Variants in SCN8A observed in about 807,000 individuals in gnomAD.
SCN8A encodes the protein sodium voltage-gated channel alpha subunit 8.
In SCN8A, 30 loss-of-function variants were observed where a neutral mutation model predicts 184.1. The observed-to-expected ratio is 0.16, with a 90% CI of 0.12 to 0.22. The LOEUF (loss-of-function observed/expected upper bound fraction) is 0.22. SCN8A is among the 10% of genes least tolerant of loss of function. The probability of loss-of-function intolerance (pLI) is 1.00; values close to 1 mark genes in which losing one functional copy is unlikely to be tolerated. For synonymous variants in SCN8A, 852 were observed against 907.0 expected (o/e 0.94, Z 1.09); for missense variants, 1,057 against 2,498.9 (o/e 0.42, Z 12.30).
intron 1 of SCN8A, among the ~76,000 whole-genome samples, chr12:51,634,725 T>C (rs1227573300): frequency 7.3e-5 from 11 of 150,716 alleles, no homozygotes; most frequent in African/African-American, 2.7e-4. Flanking sequence ...CGTAGCTCAC[T>C]GCAACCTCCT....
chr12:51,660,749 A>G (rs138036759), intron 1 of SCN8A, among the ~76,000 whole-genome samples: 157 of 152,276 alleles, frequency 1.0e-3, no homozygotes, highest in African/African-American at 3.5e-3. Flanking sequence ...ACGAGTTAAT[A>G]CCAGCAAGGT....
chr12:51,720,583 A>G (rs1462479550), intron 11 of SCN8A, among the ~76,000 whole-genome samples: 1 of 152,112 alleles, frequency 6.6e-6, no homozygotes. Context: ...ATGCACATGT[A>G]CCCTAGAACT....
chr12:51,793,723 A>C (rs1246726527), intron 25 of SCN8A, among the ~76,000 whole-genome samples: 1 of 152,178 alleles, frequency 6.6e-6, no homozygotes, highest in Non-Finnish European at 1.5e-5. Context: ...CTGTAGGCCC[A>C]GCTTATTGGG....
At position 51,769,274 on chromosome 12, in the gene SCN8A, A is replaced by G; in HGVS notation, c.3311A>G (p.Asp1104Gly). ...VRVPIAVGES[D>G]FENLNTEDVS... is the part of the protein sequence containing the mutation. ...GTACCCATTGCTGTGGGCGAGTCTG[A>G]CTTTGAGAACCTCAACACAGAGGAT... The change falls in exon 17 of 27, where the codon GAC becomes GGC. Residue 1104 changes from aspartate (D) to glycine (G), a missense_variant. By Grantham distance (94) the Asp-to-Gly change is moderately conservative. Coordinates refer to ENST00000627620, the MANE Select transcript of SCN8A (RefSeq NM_001330260.2). 1 of 1,610,604 alleles carries G rather than the reference A, an allele frequency of 6.2e-7. No homozygotes were observed. The highest frequency in any genetic ancestry group is 8.5e-7 in the Non-Finnish European group (1 of 1,177,102).
intron 13 of SCN8A, among the ~76,000 whole-genome samples, chr12:51,748,479 G>A (rs1942547767): frequency 6.6e-6 from 1 of 152,154 alleles, no homozygotes; most frequent in African/African-American, 2.4e-5. Context: ...TATTTCAGAG[G>A]ACTGGGCGTG....
At chr12:51,722,113 T>C in intron 12 of SCN8A, 2 of 749,500 alleles carry the variant, frequency 2.7e-6, no homozygotes, top group Non-Finnish European at 4.3e-6. Flanking sequence ...TCTTCAGTTT[T>C]CCCCCTATTA....
chr12:51,777,888 G>T (rs1937758590), intron 20 of SCN8A, among the ~76,000 whole-genome samples: 1 of 152,238 alleles, frequency 6.6e-6, no homozygotes, highest in Non-Finnish European at 1.5e-5. Context: ...CCAGGTACTT[G>T]GTTGAGAAAG....
rs1718810651 is a variant in SCN8A at position 51,810,264 on chromosome 12, AT to A, written c.*2836del. On this transcript the variant is annotated 3_prime_UTR_variant, in exon 27 of 27. Transcript: ENST00000627620. ...TGAAGTTTCACTTTTTAAAAAAAAA[AT>A]GTTTCCCACCTTTTTATCCTTCACC... The A allele has an allele frequency of 4.2e-6, 1 of 239,518 alleles. No individual in the cohort carries two copies. The highest frequency in any genetic ancestry group is 3.6e-5 in the South Asian group (1 of 27,686). The allele number at this position is 239,518 out of a possible 1,614,324, so 14.8% of individuals were successfully genotyped here. A position where few individuals can be genotyped will look rare whatever the true frequency, so the allele number is the denominator to read the frequency against.
intron 1 of SCN8A, among the ~76,000 whole-genome samples, chr12:51,660,923 GA>G (rs1940913220): frequency 6.6e-6 from 1 of 152,134 alleles, no homozygotes; most frequent in South Asian, 2.1e-4. Context: ...ATGGGTAGGA[GA>G]AGAATGAAGG....
intron 6 of SCN8A, among the ~76,000 whole-genome samples, chr12:51,697,915 C>G (rs1331978035): frequency 6.6e-6 from 1 of 152,198 alleles, no homozygotes; most frequent in East Asian, 1.9e-4. Context: ...GTGGCGCAAT[C>G]TTGGCTCACT....
intron 19 of SCN8A, 100 bp downstream of exon 19, chr12:51,770,783 A>G: frequency 8.0e-7 from 1 of 1,257,396 alleles, no homozygotes; most frequent in Non-Finnish European, 1.1e-6. Context: ...CTCTGAAAAC[A>G]GATTGGCTGT....
At chr12:51,789,243 G>T (rs767543424) in intron 23 of SCN8A, 38 bp from the exon 24 acceptor site, 1 of 1,611,264 alleles carries the variant, frequency 6.2e-7, no homozygotes, top group African/African-American at 1.3e-5. Flanking sequence ...CTCCAAACTA[G>T]GAGCTGATTC....
At chr12:51,721,026 C>A (rs1255063841) in intron 11 of SCN8A, among the ~76,000 whole-genome samples, 23 of 143,696 alleles carry the variant, frequency 1.6e-4, no homozygotes, top group Non-Finnish European at 3.2e-4. Flanking sequence ...AAGATAGCGC[C>A]ACCACACTCC....
intron 2 of SCN8A, among the ~76,000 whole-genome samples, chr12:51,678,006 T>C (rs1021722483): frequency 6.6e-6 from 1 of 152,236 alleles, no homozygotes; most frequent in Admixed American, 6.5e-5. Flanking sequence ...TCCTTTCCAC[T>C]ATATCTAGGC....
intron 1 of SCN8A, among the ~76,000 whole-genome samples, chr12:51,621,056 T>C (rs1193684382): frequency 6.6e-6 from 1 of 152,084 alleles, no homozygotes; most frequent in African/African-American, 2.4e-5. Context: ...ATATGATGGT[T>C]CTTATAATGG....
intron 13 of SCN8A, among the ~76,000 whole-genome samples, chr12:51,748,841 A>T (rs1942553704): frequency 6.6e-6 from 1 of 152,152 alleles, no homozygotes; most frequent in African/African-American, 2.4e-5. Flanking sequence ...AGCACATTGC[A>T]GATGCTTAAA....
chr12:51,594,692 A>G (rs2138544978), intron 1 of SCN8A, among the ~76,000 whole-genome samples: 1 of 152,316 alleles, frequency 6.6e-6, no homozygotes, highest in East Asian at 1.9e-4. Context: ...TAATATATGT[A>G]AAAACAGGGA....
At chr12:51,738,348 A>T (rs1254799619) in intron 12 of SCN8A, among the ~76,000 whole-genome samples, 1 of 152,152 alleles carries the variant, frequency 6.6e-6, no homozygotes, top group Non-Finnish European at 1.5e-5. Flanking sequence ...CACAATGCAA[A>T]ATATAACTAC....
chr12:51,776,071 C>T (rs1394034695), intron 20 of SCN8A, among the ~76,000 whole-genome samples: 3 of 152,206 alleles, frequency 2.0e-5, no homozygotes, highest in African/African-American at 7.2e-5. Context: ...CTCACTGCAG[C>T]CTCTGCCTCC....
Sources: allele counts gnomAD v4.1 joint callset (sites outside exome capture counted in the v4.1 genomes callset), GRCh38; gene constraint gnomAD v4.1.1; transcripts MANE v1.5; gene names NCBI Gene and HGNC (gene_info 2026-07-23, HGNC 2026-07-21).